The following DNAAF11 variants were observed in gnomAD, a reference collection of about 807,000 sequenced individuals.
DNAAF11 encodes leucine rich repeat containing 6.
A neutral mutation model predicts 60.8 loss-of-function variants in DNAAF11; 45 were observed. The observed-to-expected ratio is 0.74, with a 90% confidence interval of 0.58 to 0.95. DNAAF11 has a LOEUF of 0.95. Among genes scored for constraint, DNAAF11 ranks in the 40% least tolerant of loss-of-function variants. DNAAF11 has a pLI of 0.00. For missense variants in DNAAF11, 546 were observed against 546.2 expected (o/e 1.00, Z 0.00); for synonymous variants, 191 against 183.5 (o/e 1.04, Z -0.33).
intron 10 of DNAAF11, among the ~76,000 whole-genome samples, chr8:132,593,245 A>G (rs886526382): frequency 1.3e-5 from 2 of 150,650 alleles, no homozygotes; most frequent in Non-Finnish European, 3.0e-5. Flanking sequence ...CAAACTTCCT[A>G]TTGAGCTCAG....
intron 1 of DNAAF11, among the ~76,000 whole-genome samples, chr8:132,666,824 C>G (rs542923563): frequency 2.6e-5 from 4 of 152,248 alleles, no homozygotes; most frequent in Non-Finnish European, 4.4e-5. Context: ...GTGTGCATAC[C>G]ACTCGGGTCA....
intron 3 of DNAAF11, among the ~76,000 whole-genome samples, chr8:132,650,726 A>G (rs1470877528): frequency 6.6e-6 from 1 of 152,220 alleles, no homozygotes; most frequent in Non-Finnish European, 1.5e-5. Flanking sequence ...TATTTGGGGT[A>G]ATCTGACTTA....
chr8:132,620,013 C>T (rs1043311774), intron 7 of DNAAF11, among the ~76,000 whole-genome samples: 1 of 152,102 alleles, frequency 6.6e-6, no homozygotes, highest in African/African-American at 2.4e-5. Flanking sequence ...AAACAAGGTC[C>T]TCAGTTAAGA....
intron 3 of DNAAF11, among the ~76,000 whole-genome samples, chr8:132,647,870 G>C (rs965506165): frequency 6.6e-6 from 1 of 151,122 alleles, no homozygotes; most frequent in Non-Finnish European, 1.5e-5. Flanking sequence ...GGCAGTAATA[G>C]CCTAAAAACC....
chr8:132,576,889 G>A (rs1466403862), intron 11 of DNAAF11, among the ~76,000 whole-genome samples: 1 of 152,152 alleles, frequency 6.6e-6, no homozygotes, highest in South Asian at 2.1e-4. Context: ...GAAGGGAGAG[G>A]GGCAGGGGTC....
chr8:132,678,849 T>C (rs1563732141), upstream of DNAAF11, among the ~76,000 whole-genome samples: 1 of 152,110 alleles, frequency 6.6e-6, no homozygotes, highest in Non-Finnish European at 1.5e-5. Flanking sequence ...TATTTCACTA[T>C]AGAAGTAACA....
At chr8:132,692,200 G>T in the DNAAF11 span, among the ~76,000 whole-genome samples, 7 of 151,864 alleles carry the variant, frequency 4.6e-5, no homozygotes. Flanking sequence ...ATAAACTGGG[G>T]TGGGGGGTAG....
At chr8:132,577,302 G>A (rs1167675601) in intron 11 of DNAAF11, among the ~76,000 whole-genome samples, 3 of 152,222 alleles carry the variant, frequency 2.0e-5, no homozygotes, top group African/African-American at 7.2e-5. Context: ...TAACTGCTAA[G>A]CTGCCGAACC....
chr8:132,621,371 T>C (rs551183989), intron 7 of DNAAF11, among the ~76,000 whole-genome samples: 2 of 152,248 alleles, frequency 1.3e-5, no homozygotes, highest in African/African-American at 4.8e-5. Flanking sequence ...TATAAGATTC[T>C]GGCCAGTGGT....
At chr8:132,649,909 C>T (rs1218721736) in intron 3 of DNAAF11, among the ~76,000 whole-genome samples, 1 of 152,190 alleles carries the variant, frequency 6.6e-6, no homozygotes, top group Non-Finnish European at 1.5e-5. Flanking sequence ...AACACTTCTA[C>T]ACTGTTAGTG....
chr8:132,599,592 C>T (rs1817384624), intron 10 of DNAAF11, among the ~76,000 whole-genome samples: 2 of 152,192 alleles, frequency 1.3e-5, no homozygotes, highest in African/African-American at 2.4e-5. Context: ...AAGTGGGCTT[C>T]ATCCCTGGGA....
At chr8:132,698,338 A>G in the DNAAF11 span, among the ~76,000 whole-genome samples, 1 of 151,546 alleles carries the variant, frequency 6.6e-6, no homozygotes, top group African/African-American at 2.4e-5. Flanking sequence ...ACACAGCACT[A>G]CAAGAGAACA....
chr8:132,578,596 C>T (rs868011759), intron 11 of DNAAF11: 1 of 763,240 alleles, frequency 1.3e-6, no homozygotes. Context: ...TCACTAAGTG[C>T]AAAACACATC....
At chr8:132,598,725 A>G (rs1051567194) in intron 10 of DNAAF11, among the ~76,000 whole-genome samples, 3 of 152,356 alleles carry the variant, frequency 2.0e-5, no homozygotes, top group African/African-American at 4.8e-5. Flanking sequence ...TTTGAAACCA[A>G]TGAGAACAAA....
chr8:132,631,198 A>C, intron 5 of DNAAF11, among the ~76,000 whole-genome samples: 1 of 152,192 alleles, frequency 6.6e-6, no homozygotes, highest in East Asian at 1.9e-4. Context: ...AGGAGATTCT[A>C]TTCCTGTGAG....
the DNAAF11 span, among the ~76,000 whole-genome samples, chr8:132,701,051 T>A: frequency 6.6e-6 from 1 of 152,214 alleles, no homozygotes; most frequent in African/African-American, 2.4e-5. Flanking sequence ...AGGGCAAGAA[T>A]GAACAAGAGG....
In DNAAF11 at chr8:132,583,772, TCTC is replaced by T. The variant is rs1815587032; in HGVS notation, c.1145_1147del (p.Gly382del). The T allele has an allele frequency of 1.9e-6, 3 of 1,612,088 alleles. No individual in the cohort carries two copies. In the East Asian group the frequency reaches 6.7e-5, roughly 36 times the overall value. On this transcript the variant is annotated inframe_deletion, in exon 11 of 12. Transcript: ENST00000620350. ...TGCTCGCTGACCACCTGTGATTACT[TCTC>T]CTACCTAAAATAAAAATGAAACACA...
At chr8:132,699,441 T>C in the DNAAF11 span, among the ~76,000 whole-genome samples, 4 of 152,120 alleles carry the variant, frequency 2.6e-5, no homozygotes, top group African/African-American at 7.2e-5. Flanking sequence ...TTGAGGGTAA[T>C]TAACAAGGAA....
intron 10 of DNAAF11, among the ~76,000 whole-genome samples, chr8:132,585,429 G>A (rs1177164733): frequency 6.6e-6 from 1 of 152,186 alleles, no homozygotes; most frequent in East Asian, 1.9e-4. Context: ...TGTGCGTTGT[G>A]GGAAGATCTT....
Sources: allele counts gnomAD v4.1 joint callset (sites outside exome capture counted in the v4.1 genomes callset), GRCh38; gene constraint gnomAD v4.1.1; transcripts MANE v1.5; gene names NCBI Gene and HGNC (gene_info 2026-07-23, HGNC 2026-07-21).